Variants in ERGIC2 observed in about 807,000 individuals in gnomAD.
ERGIC2 encodes ERGIC and golgi 2, also known as endoplasmic reticulum-Golgi intermediate compartment protein 2.
ERGIC2 carries 31 observed loss-of-function variants against 52.5 expected under a neutral mutation model. That is an observed-to-expected ratio of 0.59 (90% CI 0.44 to 0.80). ERGIC2 has a LOEUF of 0.80. Ranked by LOEUF, ERGIC2 falls within the 30% of genes least tolerant of loss-of-function variation. The pLI is 0.00. For synonymous variants in ERGIC2, 129 were observed against 140.6 expected (o/e 0.92, Z 0.58); for missense variants, 395 against 455.2 (o/e 0.87, Z 1.20).
chr12:29,361,693 G>C lies in ERGIC2; in HGVS notation c.334-8C>G, dbSNP rs1200071579. On this transcript the variant is annotated splice_polypyrimidine_tract_variant and splice_region_variant and intron_variant, in intron 5 of 13. Transcript: ENST00000360150. ...TGAAAGATCAAATACTGTCTGAAAT[G>C]AAAGAAAACATAATCACTAGCATTG... 1 of 1,598,098 alleles carries C rather than the reference G, an allele frequency of 6.3e-7. No homozygotes were observed. Among genetic ancestry groups the C allele is most frequent in the East Asian group, 2.3e-5 (1 of 44,350 alleles).
At chr12:29,376,378 C>T (rs1158864244) in intron 1 of ERGIC2, among the ~76,000 whole-genome samples, 3 of 152,164 alleles carry the variant, frequency 2.0e-5, no homozygotes, top group African/African-American at 7.2e-5. Flanking sequence ...ATGACTTCAG[C>T]ACCCAGATCA....
chr12:29,351,663 A>C (rs1940132944), intron 8 of ERGIC2, among the ~76,000 whole-genome samples: 1 of 152,148 alleles, frequency 6.6e-6, no homozygotes, highest in African/African-American at 2.4e-5. Flanking sequence ...CTGATTGTCT[A>C]AAGCAAATTT....
chr12:29,342,574 C>T (rs566043780), intron 12 of ERGIC2, among the ~76,000 whole-genome samples: 13 of 152,150 alleles, frequency 8.5e-5, no homozygotes, highest in East Asian at 1.9e-4. Flanking sequence ...CATTACAATT[C>T]GACAAATAAT....
intron 1 of ERGIC2, among the ~76,000 whole-genome samples, chr12:29,374,520 TG>T (rs1312820450): frequency 1.3e-5 from 2 of 152,228 alleles, no homozygotes; most frequent in African/African-American, 4.8e-5. Flanking sequence ...TCTGCAGATA[TG>T]TATAACCCCT....
chr12:29,344,551 C>G (rs1051535506), intron 11 of ERGIC2, among the ~76,000 whole-genome samples: 2 of 152,076 alleles, frequency 1.3e-5, no homozygotes, highest in Non-Finnish European at 2.9e-5. Flanking sequence ...TATATACACA[C>G]ATACCTATAC....
intron 5 of ERGIC2, among the ~76,000 whole-genome samples, chr12:29,365,685 AAC>A (rs1218537338): frequency 1.3e-5 from 2 of 150,864 alleles, no homozygotes; most frequent in Non-Finnish European, 2.9e-5. Flanking sequence ...AAAAAAAAAA[AAC>A]AAAGTTAAAG....
intron 1 of ERGIC2, among the ~76,000 whole-genome samples, chr12:29,379,964 C>T (rs1940563735): frequency 6.6e-6 from 1 of 151,964 alleles, no homozygotes; most frequent in African/African-American, 2.4e-5. Context: ...GGCCTGATTT[C>T]CTTTGAGAGA....
At chr12:29,360,332 A>G (rs1197528382) in intron 6 of ERGIC2, among the ~76,000 whole-genome samples, 1 of 151,710 alleles carries the variant, frequency 6.6e-6, no homozygotes, top group South Asian at 2.1e-4. Flanking sequence ...ATATGCATCA[A>G]TAAGGATCCA....
intron 7 of ERGIC2, among the ~76,000 whole-genome samples, chr12:29,356,944 T>C (rs1940214709): frequency 6.6e-6 from 1 of 152,024 alleles, no homozygotes; most frequent in Non-Finnish European, 1.5e-5. Flanking sequence ...TTTATGATTA[T>C]AGCATTTCCA....
chr12:29,359,571 T>C (rs1472999673), intron 6 of ERGIC2, among the ~76,000 whole-genome samples: 1 of 152,024 alleles, frequency 6.6e-6, no homozygotes, highest in African/African-American at 2.4e-5. Context: ...TGAAAAAAAT[T>C]CTAAATGAAA....
intron 1 of ERGIC2, 125 bp downstream of exon 1, chr12:29,380,990 T>C (rs1160019958): frequency 6.6e-6 from 1 of 152,234 alleles, no homozygotes; most frequent in East Asian, 1.9e-4. Flanking sequence ...ACCGGCTCTC[T>C]AGAGATCAAT....
chr12:29,354,800 A>C (rs962976295), intron 8 of ERGIC2, among the ~76,000 whole-genome samples: 1 of 152,174 alleles, frequency 6.6e-6, no homozygotes, highest in African/African-American at 2.4e-5. Flanking sequence ...TATTTGTCAA[A>C]ATTTCCCTCT....
intron 8 of ERGIC2, among the ~76,000 whole-genome samples, chr12:29,354,126 C>T (rs979251398): frequency 1.3e-5 from 2 of 152,078 alleles, no homozygotes; most frequent in Non-Finnish European, 2.9e-5. Context: ...AGAATCATTC[C>T]AGGATTTGCC....
At chr12:29,355,206 A>G (rs955544144) in intron 8 of ERGIC2, among the ~76,000 whole-genome samples, 1 of 152,160 alleles carries the variant, frequency 6.6e-6, no homozygotes, top group African/African-American at 2.4e-5. Flanking sequence ...CTTGTTAAAT[A>G]GTCTCTTATC....
At chr12:29,362,895 T>TCAACA (rs1940306268) in intron 5 of ERGIC2, among the ~76,000 whole-genome samples, 1 of 152,206 alleles carries the variant, frequency 6.6e-6, no homozygotes, top group African/African-American at 2.4e-5. Context: ...ATAAGGCTGT[T>TCAACA]GGCAGTTACT....
intron 10 of ERGIC2, among the ~76,000 whole-genome samples, chr12:29,346,336 C>T (rs994951122): frequency 9.2e-5 from 14 of 151,702 alleles, no homozygotes; most frequent in Admixed American, 3.9e-4. Context: ...CTACAATGCA[C>T]GCCACCAAGC....
At chr12:29,361,344 A>G (rs1826890249) in intron 6 of ERGIC2, among the ~76,000 whole-genome samples, 1 of 152,176 alleles carries the variant, frequency 6.6e-6, no homozygotes, top group South Asian at 2.1e-4. Flanking sequence ...TATCATTTCT[A>G]TTCAAATTGA....
intron 13 of ERGIC2, 53 bp downstream of exon 13, chr12:29,341,681 T>C (rs1032427981): frequency 1.6e-5 from 15 of 965,524 alleles, no homozygotes; most frequent in Non-Finnish European, 2.3e-5. Flanking sequence ...CTCATAGACT[T>C]AACAATGATT....
chr12:29,341,665 G>T, intron 13 of ERGIC2, 69 bp downstream of exon 13: 3 of 825,520 alleles, frequency 3.6e-6, no homozygotes, highest in South Asian at 3.2e-5. Flanking sequence ...GAGCCACCAT[G>T]ACTGGCTCAT....
Sources: allele counts gnomAD v4.1 joint callset (sites outside exome capture counted in the v4.1 genomes callset), GRCh38; gene constraint gnomAD v4.1.1; transcripts MANE v1.5; gene names NCBI Gene and HGNC (gene_info 2026-07-23, HGNC 2026-07-21).